PCDHA11: variants seen among roughly 807,000 people sequenced by gnomAD.
PCDHA11 encodes protocadherin alpha-11.
A neutral mutation model predicts 70.3 loss-of-function variants in PCDHA11; 61 were observed. The ratio of observed to expected loss-of-function variants is 0.87; its 90% CI spans 0.71 to 1.07. The LOEUF is 1.07. Ranked by LOEUF, PCDHA11 falls within the 50% of genes least tolerant of loss-of-function variation. The pLI is 0.00. For synonymous variants in PCDHA11, 633 were observed against 555.1 expected (o/e 1.14, Z -1.97); for missense variants, 1,324 against 1,237.5 (o/e 1.07, Z -1.05).
intron 3 of PCDHA11, among the ~76,000 whole-genome samples, chr5:140,996,588 G>A (rs1031631617): frequency 3.2e-4 from 49 of 152,082 alleles, no homozygotes; most frequent in Admixed American, 2.0e-3. Flanking sequence ...AACAAGGGCC[G>A]CCTCCCCCCA....
At chr5:140,911,866 T>A (rs139180139) in intron 1 of PCDHA11, among the ~76,000 whole-genome samples, 31 of 152,320 alleles carry the variant, frequency 2.0e-4, no homozygotes, top group Non-Finnish European at 4.3e-4. Context: ...TCTGTTCTTC[T>A]GGAACCACTC....
At chr5:140,893,593 T>C (rs1433494751) in intron 1 of PCDHA11, among the ~76,000 whole-genome samples, 5 of 152,244 alleles carry the variant, frequency 3.3e-5, no homozygotes, top group African/African-American at 1.2e-4. Context: ...TGGGAAATAC[T>C]TTATTTCTCC....
chr5:140,928,550 C>A (rs781857799), intron 1 of PCDHA11: 1 of 1,614,160 alleles, frequency 6.2e-7, no homozygotes, highest in South Asian at 1.1e-5. Flanking sequence ...GACAATTATC[C>A]GGTTATCTTG....
rs1268066555 is a variant in PCDHA11 at position 140,871,241 on chromosome 5, C to CGCT, written c.2146_2148dup (p.Leu716dup). The stretch of plus-strand genomic sequence containing the variant: ...GTGGTGTCCAGCCTCCTGGTACTCA[C>CGCT]GCTGCTGCTGTATACGGCGCTGTGG... On this transcript the variant is annotated inframe_insertion, in exon 1 of 4. Coordinates refer to ENST00000398640, the MANE Select transcript of PCDHA11 (RefSeq NM_018902.5). 1.2e-6 allele frequency: 2 copies of CGCT among 1,613,972 alleles called. No individual in the cohort carries two copies. Among genetic ancestry groups the CGCT allele is most frequent in the African/African-American group, 2.7e-5 (2 of 75,072 alleles).
chr5:140,928,798 G>A lies in PCDHA11; in HGVS notation c.2392-50151G>A, dbSNP rs1015507486. On this transcript the variant is annotated intron_variant, in intron 1 of 3. Transcript: ENST00000398640. ...TGATGCAGTTAAGCAGAGGGTGGTGGTAGTGGTTCGGGACCATGGAGACCC... is the reference window on the plus strand; with the variant it reads ...TGATGCAGTTAAGCAGAGGGTGGTGATAGTGGTTCGGGACCATGGAGACCC... 2.4e-5 allele frequency: 38 copies of A among 1,614,046 alleles called. No homozygotes were observed. Among genetic ancestry groups the A allele is most frequent in the Non-Finnish European group, 3.2e-5 (38 of 1,180,052 alleles).
intron 1 of PCDHA11, among the ~76,000 whole-genome samples, chr5:140,905,582 A>C (rs1281901890): frequency 1.3e-5 from 2 of 152,068 alleles, no homozygotes; most frequent in South Asian, 2.1e-4. Flanking sequence ...AATGATAATG[A>C]TATTTTGCTG....
chr5:140,941,446 G>C (rs1241311664), intron 1 of PCDHA11, among the ~76,000 whole-genome samples: 1 of 150,694 alleles, frequency 6.6e-6, no homozygotes, highest in African/African-American at 2.4e-5. Flanking sequence ...CTCGGGAGTA[G>C]CTGGGATTAC....
chr5:140,954,885 T>C (rs1291095041), intron 1 of PCDHA11, among the ~76,000 whole-genome samples: 1 of 152,218 alleles, frequency 6.6e-6, no homozygotes, highest in Non-Finnish European at 1.5e-5. Context: ...GCTTTTCTTC[T>C]AGGGTTTTTA....
Position 141,010,647 on chromosome 5 carries a change from GT to G in PCDHA11, c.*714del, listed in dbSNP as rs782752760. ...CATACCTGCAAGCCAACAGTTCAGT[GT>G]TTTAACAGAGAACCACCCTGGGAAA... On this transcript the variant is annotated 3_prime_UTR_variant, in exon 4 of 4. Coordinates refer to ENST00000398640, the MANE Select transcript of PCDHA11 (RefSeq NM_018902.5). 4.6e-5 allele frequency: 8 copies of G among 173,154 alleles called. No homozygotes were observed. Among genetic ancestry groups the G allele is most frequent in the Admixed American group, 1.2e-4 (2 of 16,978 alleles). 10.7% of individuals were successfully genotyped at this position (173,154 alleles called of 1,614,324 possible).
chr5:140,887,885 A>G (rs1281444456), intron 1 of PCDHA11, among the ~76,000 whole-genome samples: 1 of 152,144 alleles, frequency 6.6e-6, no homozygotes, highest in Non-Finnish European at 1.5e-5. Context: ...TTGTAGTATC[A>G]TATCTGTTAA....
chr5:140,869,037 C>A lies in PCDHA11; in HGVS notation c.-67C>A. 2 of 1,528,404 alleles carry A rather than the reference C, an allele frequency of 1.3e-6. No homozygotes were observed. The highest frequency in any genetic ancestry group is 2.6e-5 in the South Asian group (2 of 75,480). The allele number at this position is 1,528,404 out of a possible 1,614,324, so 94.7% of individuals were successfully genotyped here. A position where few individuals can be genotyped will look rare whatever the true frequency, so the allele number is the denominator to read the frequency against. On this transcript the variant is annotated 5_prime_UTR_variant, in exon 1 of 4. Coordinates refer to ENST00000398640, the MANE Select transcript of PCDHA11 (RefSeq NM_018902.5). ...CTTAAGAATTCAACGAGATTTTTAA[C>A]CTGAAACTGAAGAATCTGGTACTGT...
intron 3 of PCDHA11, among the ~76,000 whole-genome samples, chr5:141,000,018 A>G (rs2097889437): frequency 6.6e-6 from 1 of 152,038 alleles, no homozygotes; most frequent in East Asian, 1.9e-4. Flanking sequence ...CCCCATTGCT[A>G]AGCCTGACAT....
intron 1 of PCDHA11, chr5:140,927,348 C>T (rs2153588187): frequency 1.2e-6 from 2 of 1,613,982 alleles, no homozygotes; most frequent in South Asian, 1.1e-5. Flanking sequence ...AAGATGACGA[C>T]GAGGGAAGCA....
intron 1 of PCDHA11, chr5:140,966,787 A>G (rs781920865): frequency 6.5e-7 from 1 of 1,526,816 alleles, no homozygotes; most frequent in African/African-American, 1.4e-5. Context: ...CGGGCACCAG[A>G]CCTGCGGCGA....
intron 1 of PCDHA11, among the ~76,000 whole-genome samples, chr5:140,901,207 T>G (rs894216497): frequency 6.6e-6 from 1 of 152,206 alleles, no homozygotes; most frequent in Non-Finnish European, 1.5e-5. Flanking sequence ...AGAAGGTTTT[T>G]AAGTTGATGT....
intron 1 of PCDHA11, among the ~76,000 whole-genome samples, chr5:140,977,005 A>C (rs982594376): frequency 3.3e-5 from 5 of 152,156 alleles, no homozygotes; most frequent in Non-Finnish European, 5.9e-5. Flanking sequence ...AAATCTTGTA[A>C]CTGTGATTCT....
At chr5:140,990,318 A>C (rs2097387548) in intron 3 of PCDHA11, among the ~76,000 whole-genome samples, 1 of 152,054 alleles carries the variant, frequency 6.6e-6, no homozygotes, top group Admixed American at 6.5e-5. Context: ...AACCAACCAA[A>C]CAAACTTTAA....
intron 2 of PCDHA11, among the ~76,000 whole-genome samples, chr5:140,981,379 G>A (rs1387904235): frequency 1.3e-5 from 2 of 152,152 alleles, no homozygotes; most frequent in Admixed American, 1.3e-4. Flanking sequence ...TTCAAGACCA[G>A]CCTGGTCAAT....
At chr5:140,994,811 A>G (rs1283053490) in intron 3 of PCDHA11, among the ~76,000 whole-genome samples, 1 of 152,194 alleles carries the variant, frequency 6.6e-6, no homozygotes, top group Non-Finnish European at 1.5e-5. Context: ...ACAAAATACA[A>G]AAAACTGAAT....
Sources: allele counts gnomAD v4.1 joint callset (sites outside exome capture counted in the v4.1 genomes callset), GRCh38; gene constraint gnomAD v4.1.1; transcripts MANE v1.5; gene names NCBI Gene and HGNC (gene_info 2026-07-23, HGNC 2026-07-21).